The following PHTF2 variants were observed in gnomAD, a reference collection of about 807,000 sequenced individuals.
PHTF2 encodes the protein putative homeodomain transcription factor 2.
PHTF2 carries 60 observed loss-of-function variants against 101.2 expected under a neutral mutation model. The observed-to-expected ratio is 0.59, with a 90% CI of 0.48 to 0.73. PHTF2 has a LOEUF of 0.73. Among genes scored for constraint, PHTF2 ranks in the 30% least tolerant of loss-of-function variants. PHTF2 has a pLI of 0.00. For synonymous variants in PHTF2, 311 were observed against 307.3 expected (o/e 1.01, Z -0.13); for missense variants, 747 against 908.7 (o/e 0.82, Z 2.29).
intron 2 of PHTF2, among the ~76,000 whole-genome samples, chr7:77,845,418 A>C (rs1300616926): frequency 6.6e-6 from 1 of 152,244 alleles, no homozygotes; most frequent in Non-Finnish European, 1.5e-5. Context: ...TATGATACAG[A>C]TCTTGGTCAT....
At chr7:77,873,070 A>G (rs1472280289) in intron 3 of PHTF2, among the ~76,000 whole-genome samples, 1 of 152,054 alleles carries the variant, frequency 6.6e-6, no homozygotes, top group Non-Finnish European at 1.5e-5. Context: ...CTGGGATTAC[A>G]GGCATGTGCC....
At chr7:77,940,404 A>T in intron 14 of PHTF2, 102 bp downstream of exon 13, 4 of 1,284,638 alleles carry the variant, frequency 3.1e-6, no homozygotes, top group Non-Finnish European at 4.3e-6. Context: ...ATTTTTACCT[A>T]ATTATTTTTT....
At position 77,859,567 on chromosome 7, in the gene PHTF2, T is replaced by C. The variant is rs539527928; in HGVS notation, c.147+4733T>C. 3.6e-4 allele frequency among the ~76,000 whole-genome samples: 53 copies of C among 147,054 alleles called. 1 individual carries two copies. The highest frequency in any genetic ancestry group is 3.3e-3 in the East Asian group (17 of 5,144). On this transcript the variant is annotated intron_variant, in intron 3 of 19. Coordinates refer to ENST00000416283, the Ensembl canonical transcript of PHTF2. ...GAATTTCTTTTCTTTCTTTCTTCTT[T>C]TTTTTTTTTTTTTTGAAGCAGGGTC... is the stretch of plus-strand genomic sequence containing the variant.
intron 17 of PHTF2, 121 bp from the exon 17 acceptor site, chr7:77,951,496 T>C (rs1431129253): frequency 2.0e-6 from 1 of 511,260 alleles, no homozygotes; most frequent in Non-Finnish European, 3.5e-6. Context: ...GAATATATAG[T>C]ATAAAGACTA....
At chr7:77,882,878 A>G (rs1799531108) in intron 3 of PHTF2, among the ~76,000 whole-genome samples, 1 of 152,168 alleles carries the variant, frequency 6.6e-6, no homozygotes, top group African/African-American at 2.4e-5. Flanking sequence ...TTTGATCCTC[A>G]TCATTAAAGT....
chr7:77,852,673 A>G (rs7779699), intron 2 of PHTF2, among the ~76,000 whole-genome samples: 3,160 of 152,234 alleles, frequency 0.021, 91 homozygotes, highest in African/African-American at 0.071. Context: ...GTACTTAACT[A>G]TTACCAGTGT....
rs140624549 is a variant in PHTF2 at position 77,843,579 on chromosome 7, T to A, written c.45+3279T>A. ...TTAAATATATGCTTACTAAAAAAAATTTTTAGAGGCATTTGTACTTCAGTG... is the reference window on the plus strand; with the variant it reads ...TTAAATATATGCTTACTAAAAAAAAATTTTAGAGGCATTTGTACTTCAGTG... On this transcript the variant is annotated intron_variant, in intron 2 of 19. Transcript: ENST00000416283. 2.5e-3 allele frequency among the ~76,000 whole-genome samples: 376 copies of A among 152,336 alleles called. 16 individuals are homozygous for A. The East Asian group carries it at 0.064, about 26-fold the overall frequency.
At chr7:77,924,697 T>G (rs540781083) in intron 11 of PHTF2, among the ~76,000 whole-genome samples, 1 of 152,310 alleles carries the variant, frequency 6.6e-6, no homozygotes, top group African/African-American at 2.4e-5. Flanking sequence ...GTTGTAAGCT[T>G]CCCAGATGGC....
intron 13 of PHTF2, among the ~76,000 whole-genome samples, chr7:77,938,912 A>T (rs1477765622): frequency 6.6e-6 from 1 of 152,020 alleles, no homozygotes; most frequent in Non-Finnish European, 1.5e-5. Flanking sequence ...TAAGACAGGA[A>T]TTATAATAAC....
intron 3 of PHTF2, among the ~76,000 whole-genome samples, chr7:77,879,967 G>A (rs1429276389): frequency 6.6e-6 from 1 of 152,034 alleles, no homozygotes; most frequent in African/African-American, 2.4e-5. Context: ...TAAAATATTG[G>A]TTTTTATTAT....
At chr7:77,914,259 T>C (rs1343374289) in intron 9 of PHTF2, among the ~76,000 whole-genome samples, 3 of 152,088 alleles carry the variant, frequency 2.0e-5, no homozygotes, top group Admixed American at 2.0e-4. Context: ...GGTACAATGA[T>C]CTCTGCCAAG....
chr7:77,865,415 G>A (rs1338279933), intron 3 of PHTF2, among the ~76,000 whole-genome samples: 1 of 151,940 alleles, frequency 6.6e-6, no homozygotes, highest in South Asian at 2.1e-4. Flanking sequence ...TAGTAGAGAC[G>A]GGGTTTCACC....
intron 2 of PHTF2, among the ~76,000 whole-genome samples, chr7:77,850,874 A>T (rs1796706390): frequency 6.6e-6 from 1 of 151,606 alleles, no homozygotes; most frequent in Non-Finnish European, 1.5e-5. Context: ...TTATGAAGGG[A>T]TGTTGATTGA....
Position 77,900,704 on chromosome 7 carries a change from AT to A in PHTF2, c.217-5del. On this transcript the variant is annotated splice_polypyrimidine_tract_variant and splice_region_variant and intron_variant, in intron 5 of 19. Coordinates refer to ENST00000416283, the Ensembl canonical transcript of PHTF2. Reference sequence around the variant, plus strand: ...ACAATTCCAATGCTTCTTTTGATATATTATAGGGGCTAAGGAATAAACCAAA... The same window carrying A: ...ACAATTCCAATGCTTCTTTTGATATATATAGGGGCTAAGGAATAAACCAAA... 7.0e-7 allele frequency: 1 copy of A among 1,428,984 alleles called. No homozygotes were observed. Among genetic ancestry groups the A allele is most frequent in the Non-Finnish European group, 9.9e-7 (1 of 1,011,762 alleles). The allele number at this position is 1,428,984 out of a possible 1,614,324, so 88.5% of individuals were successfully genotyped here. A position where few individuals can be genotyped will look rare whatever the true frequency, so the allele number is the denominator to read the frequency against.
chr7:77,875,696 T>C (rs984193431), intron 3 of PHTF2, among the ~76,000 whole-genome samples: 2 of 152,230 alleles, frequency 1.3e-5, no homozygotes, highest in Admixed American at 6.5e-5. Flanking sequence ...TAGCTGGGAC[T>C]ACAGGCGCCT....
chr7:77,801,123 T>G (rs570977279), intron 1 of PHTF2, among the ~76,000 whole-genome samples: 2 of 152,350 alleles, frequency 1.3e-5, no homozygotes, highest in African/African-American at 4.8e-5. Flanking sequence ...AGTCACCTTC[T>G]CTGTGTTTGA....
chr7:77,799,389 G>A (rs1792343195), intron 1 of PHTF2, among the ~76,000 whole-genome samples: 2 of 152,132 alleles, frequency 1.3e-5, no homozygotes, highest in South Asian at 4.1e-4. Flanking sequence ...TGGCTAGCCC[G>A]GCTGGCGGGG....
intron 13 of PHTF2, among the ~76,000 whole-genome samples, chr7:77,938,301 T>A (rs1452008847): frequency 6.6e-6 from 1 of 152,238 alleles, no homozygotes; most frequent in African/African-American, 2.4e-5. Context: ...TCATACTTGC[T>A]TACCTACTTA....
At chr7:77,806,301 C>T (rs970411308) in intron 1 of PHTF2, among the ~76,000 whole-genome samples, 2 of 151,990 alleles carry the variant, frequency 1.3e-5, no homozygotes, top group African/African-American at 4.8e-5. Context: ...GCTGATTTCT[C>T]CTTGCGATTC....
Sources: gnomAD v4.1 joint callset for allele counts (sites outside exome capture counted in the v4.1 genomes callset) on GRCh38, gnomAD v4.1.1 for gene constraint, MANE v1.5 for transcripts, NCBI Gene and HGNC (gene_info 2026-07-23, HGNC 2026-07-21) for gene names.